GLYATL3: variants seen among roughly 807,000 people sequenced by gnomAD.
The protein encoded by GLYATL3 is glycine N-acyltransferase-like protein 3.
Under a neutral mutation model 28.5 loss-of-function variants are expected in GLYATL3, and 31 were observed. That is an observed-to-expected ratio of 1.09 (90% CI 0.82 to 1.47). GLYATL3 has a LOEUF of 1.47. GLYATL3 is among the 40% of genes most tolerant of loss of function. The pLI is 0.00. For missense variants in GLYATL3, 369 were observed against 351.5 expected, an observed-to-expected ratio of 1.05 and a Z score of -0.40; for synonymous variants, 141 against 140.2, an observed-to-expected ratio of 1.01 and a Z score of -0.04.
At position 49,503,407 on chromosome 6, in the gene GLYATL3, C is replaced by A. The variant is rs184480875; in HGVS notation, c.-29+3365C>A. On this transcript the variant is annotated intron_variant, in intron 1 of 5. Transcript: ENST00000371197. ...GAATGTTCAGGTCCTAAGTGGGGAA[C>A]AATGAGCCTTGGCTTTGGAGGGGCA... is the stretch of plus-strand genomic sequence containing the variant. Among the ~76,000 whole-genome samples, 652 of 152,322 alleles carry A rather than the reference C, an allele frequency of 4.3e-3. 7 individuals are homozygous for A. The highest frequency in any genetic ancestry group is 0.015 in the African/African-American group (610 of 41,578).
rs562715176 is a variant in GLYATL3 at position 49,519,141 on chromosome 6, G to C, written c.313+1585G>C. Among the ~76,000 whole-genome samples, 426 of 152,078 alleles carry C rather than the reference G, an allele frequency of 2.8e-3. 2 individuals carry two copies. The highest frequency in any genetic ancestry group is 5.2e-3 in the Non-Finnish European group (355 of 67,996). On this transcript the variant is annotated intron_variant, in intron 4 of 5. Coordinates refer to ENST00000371197, the MANE Select transcript of GLYATL3 (RefSeq NM_001010904.2). ...ATGGAAATGAATAAATTTCCTCATT[G>C]GTGTGAAAAATCATGGTAATAATTG... is the stretch of plus-strand genomic sequence containing the variant.
intron 2 of GLYATL3, among the ~76,000 whole-genome samples, chr6:49,512,777 CAG>C (rs1374229650): frequency 6.6e-6 from 1 of 152,130 alleles, no homozygotes; most frequent in East Asian, 1.9e-4. Context: ...TTTGTGAACA[CAG>C]AGACTTGCAT....
intron 1 of GLYATL3, among the ~76,000 whole-genome samples, chr6:49,503,234 C>A (rs1253850657): frequency 6.6e-6 from 1 of 152,148 alleles, no homozygotes; most frequent in Non-Finnish European, 1.5e-5. Flanking sequence ...TGACGATTGC[C>A]ATAGTGATAT....
Position 49,522,696 on chromosome 6 carries a change from C to T in GLYATL3, c.440+925C>T, listed in dbSNP as rs1769338657. ...CAACGAATGTTAATTTTCTTTACTCCTACAGTGAATGTTGAAGAAATTGTT... is the reference window on the plus strand; with the variant it reads ...CAACGAATGTTAATTTTCTTTACTCTTACAGTGAATGTTGAAGAAATTGTT... On this transcript the variant is annotated intron_variant, in intron 5 of 5. Transcript: ENST00000371197. Among the ~76,000 whole-genome samples the T allele has an allele frequency of 2.6e-5, 4 of 152,108 alleles. No homozygotes were observed. In the South Asian group the frequency reaches 8.3e-4, roughly 31 times the overall value.
chr6:49,521,537 C>A (rs1178530971), intron 4 of GLYATL3, 108 bp from the exon 5 acceptor site: 2 of 871,740 alleles, frequency 2.3e-6, no homozygotes, highest in Admixed American at 2.6e-5. Context: ...TACAAGGTGG[C>A]AAACTGCTAG....
chr6:49,505,985 G>C (rs901746654), intron 1 of GLYATL3, among the ~76,000 whole-genome samples: 1 of 152,210 alleles, frequency 6.6e-6, no homozygotes, highest in Non-Finnish European at 1.5e-5. Context: ...GTTAGAGAAC[G>C]AGGACTGTTT....
intron 1 of GLYATL3, among the ~76,000 whole-genome samples, chr6:49,508,558 C>G (rs546072325): frequency 7.2e-5 from 11 of 152,194 alleles, no homozygotes; most frequent in African/African-American, 2.2e-4. Flanking sequence ...GGACAGGTGC[C>G]CCTCATGCAT....
intron 1 of GLYATL3, among the ~76,000 whole-genome samples, chr6:49,506,799 A>C (rs903455305): frequency 6.6e-6 from 1 of 152,158 alleles, no homozygotes; most frequent in African/African-American, 2.4e-5. Context: ...TGCTCTACCC[A>C]AACAGGTGAC....
In GLYATL3 at chr6:49,510,050, T is replaced by A. The variant is rs548242197; in HGVS notation, c.-28-1913T>A. Among the ~76,000 whole-genome samples, 396 of 144,864 alleles carry A rather than the reference T, an allele frequency of 2.7e-3. 1 individual carries two copies. Among genetic ancestry groups the A allele is most frequent in the Non-Finnish European group, 4.9e-3 (318 of 64,544 alleles). On this transcript the variant is annotated intron_variant, in intron 1 of 5. Coordinates refer to ENST00000371197, the MANE Select transcript of GLYATL3 (RefSeq NM_001010904.2). ...ATTTCATTTATTTATTTATTTATTT[T>A]TTTGACGGAGTTTTGCACTTGTTGC... is the stretch of plus-strand genomic sequence containing the variant.
In GLYATL3 at chr6:49,526,859, G is replaced by T. The variant is rs754703780; in HGVS notation, c.812G>T (p.Arg271Leu). ...KSLHAEFLPC[R>L]FHRLILTPAT... is the part of the protein sequence containing the mutation. Reference sequence around the variant, plus strand: ...CTCCATGCTGAGTTCTTGCCTTGTCGCTTCCACAGGCTTATTCTCACCCCT... The same window carrying T: ...CTCCATGCTGAGTTCTTGCCTTGTCTCTTCCACAGGCTTATTCTCACCCCT... Residue 271 changes from arginine (R) to leucine (L), a missense_variant, in exon 6 of 6, where the codon CGC becomes CTC. Physicochemically the swap from Arg to Leu is moderately radical, Grantham distance 102. Transcript: ENST00000371197. The T allele has an allele frequency of 6.4e-7, 1 of 1,550,812 alleles. No homozygotes were observed. The highest frequency in any genetic ancestry group is 1.4e-5 in the African/African-American group (1 of 72,998).
chr6:49,511,553 T>C (rs983756311), intron 1 of GLYATL3, among the ~76,000 whole-genome samples: 9 of 152,200 alleles, frequency 5.9e-5, no homozygotes, highest in African/African-American at 1.4e-4. Context: ...GTGTGCCAGG[T>C]CCTTTGGCAG....
intron 1 of GLYATL3, among the ~76,000 whole-genome samples, chr6:49,509,327 A>G (rs1769071890): frequency 6.6e-6 from 1 of 152,200 alleles, no homozygotes; most frequent in Non-Finnish European, 1.5e-5. Context: ...GCAGGTCAAT[A>G]GTAACCTTGT....
chr6:49,500,326 C>T (rs1581862528), intron 1 of GLYATL3, among the ~76,000 whole-genome samples: 1 of 151,956 alleles, frequency 6.6e-6, no homozygotes, highest in African/African-American at 2.4e-5. Context: ...GATATGGGCA[C>T]AACTAGAGCA....
chr6:49,511,283 C>T (rs1391867110), intron 1 of GLYATL3, among the ~76,000 whole-genome samples: 1 of 152,162 alleles, frequency 6.6e-6, no homozygotes, highest in Non-Finnish European at 1.5e-5. Flanking sequence ...GAACAGATGA[C>T]TTTGCATACA....
At chr6:49,508,719 G>A (rs912440700) in intron 1 of GLYATL3, among the ~76,000 whole-genome samples, 2 of 152,164 alleles carry the variant, frequency 1.3e-5, no homozygotes, top group Non-Finnish European at 2.9e-5. Context: ...CGTGCTGTTG[G>A]CTCATTCTGG....
chr6:49,517,648 A>AT lies in GLYATL3; in HGVS notation c.313+93dup, dbSNP rs1209476959. The AT allele has an allele frequency of 9.8e-6, 9 of 913,950 alleles. No homozygotes were observed. In the African/African-American group the frequency reaches 1.5e-4, roughly 15 times the overall value. 56.6% of individuals were successfully genotyped at this position (913,950 alleles called of 1,614,324 possible). Reference sequence around the variant, plus strand: ...TTATAGATATTTCATATATATGAAAATATATAGATTATCTATACACACCTG... The same window carrying AT: ...TTATAGATATTTCATATATATGAAAATTATATAGATTATCTATACACACCTG... On this transcript the variant is annotated intron_variant, in intron 4 of 5. Transcript: ENST00000371197.
At chr6:49,523,812 TC>T (rs1183161785) in intron 5 of GLYATL3, among the ~76,000 whole-genome samples, 1 of 152,210 alleles carries the variant, frequency 6.6e-6, no homozygotes, top group Admixed American at 6.5e-5. Context: ...ACTTATAAGT[TC>T]CCCTTCATCT....
chr6:49,507,168 AG>A (rs1262465450), intron 1 of GLYATL3, among the ~76,000 whole-genome samples: 1 of 152,130 alleles, frequency 6.6e-6, no homozygotes, highest in Non-Finnish European at 1.5e-5. Flanking sequence ...GAGGACTAGT[AG>A]GGGGGTCAGC....
intron 2 of GLYATL3, 34 bp from the exon 3 acceptor site, chr6:49,515,619 T>C (rs1213465234): frequency 1.7e-6 from 2 of 1,210,370 alleles, no homozygotes; most frequent in East Asian, 5.1e-5. Flanking sequence ...CAGCTAATAG[T>C]ATGATTGGCT....
Sources: allele counts gnomAD v4.1 joint callset (sites outside exome capture counted in the v4.1 genomes callset), GRCh38; gene constraint gnomAD v4.1.1; transcripts MANE v1.5; gene names NCBI Gene and HGNC (gene_info 2026-07-23, HGNC 2026-07-21).